PTPRD: variants seen among roughly 807,000 people sequenced by gnomAD.
The protein encoded by PTPRD is receptor-type tyrosine-protein phosphatase delta.
PTPRD carries 34 observed loss-of-function variants against 214.5 expected under a neutral mutation model. The observed-to-expected ratio is 0.16, with a 90% CI of 0.12 to 0.21. PTPRD has a LOEUF of 0.21. Ranked by LOEUF, PTPRD falls within the 10% of genes least tolerant of loss-of-function variation. PTPRD has a pLI of 1.00. For synonymous variants in PTPRD, 1,128 were observed against 845.7 expected (o/e 1.33, Z -5.79); for missense variants, 2,545 against 2,398.7 (o/e 1.06, Z -1.27).
chr9:8,551,068 A>G (rs2081967127), intron 14 of PTPRD, among the ~76,000 whole-genome samples: 2 of 152,178 alleles, frequency 1.3e-5, no homozygotes, highest in African/African-American at 4.8e-5. Context: ...AACATATGAT[A>G]AGACTATCAC....
intron 9 of PTPRD, among the ~76,000 whole-genome samples, chr9:9,326,614 A>C (rs1364391026): frequency 6.6e-6 from 1 of 152,044 alleles, no homozygotes; most frequent in Non-Finnish European, 1.5e-5. Flanking sequence ...ACAATGTTTA[A>C]ATAAAAATGA....
chr9:8,544,870 G>A (rs976712907), intron 14 of PTPRD, among the ~76,000 whole-genome samples: 7 of 150,126 alleles, frequency 4.7e-5, no homozygotes, highest in African/African-American at 1.7e-4. Flanking sequence ...ATAACAGCTG[G>A]GTCATACTAA....
At chr9:8,857,359 C>A (rs2097942618) in intron 11 of PTPRD, among the ~76,000 whole-genome samples, 1 of 152,126 alleles carries the variant, frequency 6.6e-6, no homozygotes, top group Non-Finnish European at 1.5e-5. Context: ...GGGGGTCGCA[C>A]AAATACACAT....
intron 8 of PTPRD, among the ~76,000 whole-genome samples, chr9:9,493,088 A>T (rs2095993308): frequency 6.6e-6 from 1 of 151,378 alleles, no homozygotes; most frequent in African/African-American, 2.4e-5. Flanking sequence ...CAATAACCCT[A>T]AAAGGCCTCT....
intron 2 of PTPRD, among the ~76,000 whole-genome samples, chr9:10,358,300 G>C (rs553510067): frequency 2.4e-4 from 37 of 152,038 alleles, no homozygotes; most frequent in African/African-American, 8.7e-4. Flanking sequence ...CTTTAATCAT[G>C]CTAATTAGCA....
At chr9:9,569,362 A>G (rs967664524) in intron 8 of PTPRD, among the ~76,000 whole-genome samples, 1 of 151,760 alleles carries the variant, frequency 6.6e-6, no homozygotes, top group Admixed American at 6.6e-5. Context: ...TCAAGTTTAA[A>G]AAGTCAGTCA....
intron 7 of PTPRD, among the ~76,000 whole-genome samples, chr9:9,662,307 T>C (rs1319934161): frequency 1.3e-5 from 2 of 151,616 alleles, no homozygotes; most frequent in Non-Finnish European, 3.0e-5. Flanking sequence ...AAAAAGAAAA[T>C]TGTTCAAATG....
chr9:9,649,674 G>A (rs943912223), intron 7 of PTPRD, among the ~76,000 whole-genome samples: 2 of 152,124 alleles, frequency 1.3e-5, no homozygotes, highest in Admixed American at 6.5e-5. Context: ...CACTCATTTT[G>A]CACTCATTAA....
intron 11 of PTPRD, among the ~76,000 whole-genome samples, chr9:9,003,617 C>A (rs1176240809): frequency 6.6e-6 from 1 of 151,986 alleles, no homozygotes; most frequent in Non-Finnish European, 1.5e-5. Context: ...AGCATAAAGG[C>A]TTTTTAGCAA....
intron 2 of PTPRD, among the ~76,000 whole-genome samples, chr9:10,518,838 TG>T (rs1357918601): frequency 2.6e-5 from 4 of 151,678 alleles, no homozygotes; most frequent in South Asian, 2.1e-4. Context: ...AGCCTTACAT[TG>T]TTTTTTTTTT....
At chr9:8,724,344 G>A (rs950090919) in intron 12 of PTPRD, among the ~76,000 whole-genome samples, 1 of 152,034 alleles carries the variant, frequency 6.6e-6, no homozygotes, top group African/African-American at 2.4e-5. Flanking sequence ...CTTCACAAAG[G>A]TCAATTTTAA....
intron 11 of PTPRD, among the ~76,000 whole-genome samples, chr9:8,781,089 C>A (rs951418373): frequency 1.3e-5 from 2 of 152,108 alleles, no homozygotes; most frequent in African/African-American, 4.8e-5. Context: ...ATTTCACCAA[C>A]CACTTTTTTT....
intron 11 of PTPRD, among the ~76,000 whole-genome samples, chr9:8,831,332 A>G (rs1204462772): frequency 6.6e-6 from 1 of 152,196 alleles, no homozygotes; most frequent in African/African-American, 2.4e-5. Flanking sequence ...GTTGGTTAAA[A>G]ATTTAAAACA....
intron 5 of PTPRD, among the ~76,000 whole-genome samples, chr9:9,801,449 T>G (rs1211251321): frequency 2.0e-5 from 3 of 152,066 alleles, no homozygotes; most frequent in Non-Finnish European, 2.9e-5. Context: ...CTGTTCTGAG[T>G]TTATAAAGCA....
At chr9:9,764,411 C>T (rs1469629042) in intron 6 of PTPRD, among the ~76,000 whole-genome samples, 1 of 152,036 alleles carries the variant, frequency 6.6e-6, no homozygotes, top group Non-Finnish European at 1.5e-5. Flanking sequence ...AAAAGAAGTT[C>T]GCAAAAACCG....
chr9:10,544,046 T>G (rs1239136487), intron 2 of PTPRD, among the ~76,000 whole-genome samples: 1 of 152,196 alleles, frequency 6.6e-6, no homozygotes, highest in African/African-American at 2.4e-5. Context: ...TAAGGTACTA[T>G]ATCATCATAG....
At chr9:8,776,536 G>A (rs2095483032) in intron 11 of PTPRD, among the ~76,000 whole-genome samples, 1 of 150,736 alleles carries the variant, frequency 6.6e-6, no homozygotes, top group African/African-American at 2.5e-5. Flanking sequence ...GGGCTCAAGC[G>A]ATCTGCCGGC....
chr9:10,467,586 G>C (rs1427386364), intron 2 of PTPRD, among the ~76,000 whole-genome samples: 2 of 152,058 alleles, frequency 1.3e-5, no homozygotes, highest in Admixed American at 6.6e-5. Flanking sequence ...AAACGTGTGT[G>C]TACATGTGTG....
chr9:9,655,778 G>C (rs919174815), intron 7 of PTPRD, among the ~76,000 whole-genome samples: 36 of 151,612 alleles, frequency 2.4e-4, no homozygotes, highest in African/African-American at 8.7e-4. Flanking sequence ...AGGAGTTTGA[G>C]ACCAACCTGG....
Sources: allele counts gnomAD v4.1 joint callset (sites outside exome capture counted in the v4.1 genomes callset), GRCh38; gene constraint gnomAD v4.1.1; transcripts MANE v1.5; gene names NCBI Gene and HGNC (gene_info 2026-07-23, HGNC 2026-07-21).